Variants in GRID1 observed in about 807,000 individuals in gnomAD.
GRID1 encodes the protein glutamate receptor ionotropic, delta-1.
GRID1 carries 28 observed loss-of-function variants against 98.0 expected under a neutral mutation model. The ratio of observed to expected loss-of-function variants is 0.29; its 90% confidence interval spans 0.21 to 0.39. The LOEUF is 0.39. Among genes scored for constraint, GRID1 ranks in the 10% least tolerant of loss-of-function variants. GRID1 has a pLI of 1.00. For synonymous variants in GRID1, 553 were observed against 538.5 expected, an observed-to-expected ratio of 1.03 and a Z score of -0.37; for missense variants, 1,111 against 1,340.5, an observed-to-expected ratio of 0.83 and a Z score of 2.67.
intron 8 of GRID1, among the ~76,000 whole-genome samples, chr10:85,787,195 A>G (rs1842437617): frequency 1.3e-5 from 2 of 152,260 alleles, no homozygotes; most frequent in South Asian, 4.1e-4. Context: ...TCACAGACAT[A>G]GTGAATCCAG....
intron 4 of GRID1, among the ~76,000 whole-genome samples, chr10:85,996,389 A>T (rs539157711): frequency 6.6e-6 from 1 of 152,350 alleles, no homozygotes; most frequent in East Asian, 1.9e-4. Context: ...AGAAACTTTT[A>T]AAAAACCAAA....
intron 2 of GRID1, among the ~76,000 whole-genome samples, chr10:86,221,505 C>T (rs1554862600): frequency 6.6e-6 from 1 of 152,190 alleles, no homozygotes; most frequent in Non-Finnish European, 1.5e-5. Context: ...GGGCTGTGGG[C>T]TGTGGGAGTG....
At chr10:85,863,879 G>A (rs1843189736) in intron 6 of GRID1, among the ~76,000 whole-genome samples, 2 of 152,198 alleles carry the variant, frequency 1.3e-5, no homozygotes, top group Admixed American at 6.5e-5. Context: ...GAATTGTTGT[G>A]CATCCGCATT....
chr10:85,857,552 G>A (rs1355807550), intron 6 of GRID1, among the ~76,000 whole-genome samples: 1 of 152,142 alleles, frequency 6.6e-6, no homozygotes, highest in East Asian at 1.9e-4. Flanking sequence ...AGAAGAGGAG[G>A]AGAAGGGAAG....
intron 3 of GRID1, among the ~76,000 whole-genome samples, chr10:86,140,237 C>T (rs1374785350): frequency 6.6e-6 from 1 of 152,232 alleles, no homozygotes; most frequent in Non-Finnish European, 1.5e-5. Flanking sequence ...GAGTCACACC[C>T]TCCAAAGGAT....
At chr10:85,977,718 A>T (rs1414555618) in intron 4 of GRID1, among the ~76,000 whole-genome samples, 1 of 152,120 alleles carries the variant, frequency 6.6e-6, no homozygotes, top group Non-Finnish European at 1.5e-5. Context: ...CCTGGATTAG[A>T]TCACAAGTCC....
chr10:86,051,041 G>A (rs1345843754), intron 4 of GRID1, among the ~76,000 whole-genome samples: 4 of 151,506 alleles, frequency 2.6e-5, no homozygotes, highest in African/African-American at 9.7e-5. Context: ...TTGCGCCATT[G>A]CACTCCAGCC....
intron 5 of GRID1, among the ~76,000 whole-genome samples, chr10:85,874,694 G>A (rs1240024535): frequency 1.3e-5 from 2 of 152,172 alleles, no homozygotes; most frequent in African/African-American, 4.8e-5. Flanking sequence ...TGGAAAGGCT[G>A]GCTTTGTAGC....
intron 4 of GRID1, among the ~76,000 whole-genome samples, chr10:86,097,297 A>T (rs1015829780): frequency 6.6e-6 from 1 of 152,252 alleles, no homozygotes; most frequent in African/African-American, 2.4e-5. Flanking sequence ...TTATTAGGGG[A>T]TTAACAAATA....
At chr10:85,731,632 C>T (rs1192075509) in intron 8 of GRID1, among the ~76,000 whole-genome samples, 1 of 151,608 alleles carries the variant, frequency 6.6e-6, no homozygotes, top group Non-Finnish European at 1.5e-5. Flanking sequence ...GAAATACTGC[C>T]TCTATAAAAA....
At chr10:85,672,619 A>T (rs1392603214) in intron 12 of GRID1, among the ~76,000 whole-genome samples, 1 of 152,130 alleles carries the variant, frequency 6.6e-6, no homozygotes, top group Non-Finnish European at 1.5e-5. Flanking sequence ...GTGCTCTGTA[A>T]ATGGAACAAC....
intron 2 of GRID1, among the ~76,000 whole-genome samples, chr10:86,238,912 G>C (rs1846583025): frequency 6.6e-6 from 1 of 152,186 alleles, no homozygotes; most frequent in Non-Finnish European, 1.5e-5. Flanking sequence ...GGGCAGTGTG[G>C]AGAGAAAATG....
At chr10:86,201,759 T>A (rs1845956233) in intron 3 of GRID1, among the ~76,000 whole-genome samples, 1 of 151,620 alleles carries the variant, frequency 6.6e-6, no homozygotes. Flanking sequence ...TACAGTGTTT[T>A]AAATATATGA....
At chr10:85,845,175 G>A (rs553257064) in intron 8 of GRID1, among the ~76,000 whole-genome samples, 1 of 151,834 alleles carries the variant, frequency 6.6e-6, no homozygotes, top group South Asian at 2.1e-4. Flanking sequence ...TGACATGATT[G>A]TGTATACAGA....
At chr10:86,239,574 G>A (rs1240858718) in intron 2 of GRID1, among the ~76,000 whole-genome samples, 2 of 152,218 alleles carry the variant, frequency 1.3e-5, no homozygotes, top group African/African-American at 4.8e-5. Flanking sequence ...CGTGTTGGAG[G>A]AGGGGCCTGG....
At chr10:86,137,463 A>G (rs557610515) in intron 4 of GRID1, among the ~76,000 whole-genome samples, 1 of 152,306 alleles carries the variant, frequency 6.6e-6, no homozygotes, top group South Asian at 2.1e-4. Flanking sequence ...GGGAACGGGC[A>G]AGGAATTGGC....
chr10:86,097,959 A>G (rs1844244725), intron 4 of GRID1, among the ~76,000 whole-genome samples: 1 of 152,268 alleles, frequency 6.6e-6, no homozygotes, highest in South Asian at 2.1e-4. Flanking sequence ...CATGAAGAAA[A>G]TACAATCGAG....
chr10:86,110,497 C>T (rs1000865783), intron 4 of GRID1, among the ~76,000 whole-genome samples: 1 of 152,298 alleles, frequency 6.6e-6, no homozygotes, highest in East Asian at 1.9e-4. Flanking sequence ...GGCACCATTG[C>T]GAAGAGGCAA....
intron 4 of GRID1, among the ~76,000 whole-genome samples, chr10:85,992,614 G>GT (rs1050869302): frequency 2.0e-5 from 3 of 148,480 alleles, no homozygotes; most frequent in Non-Finnish European, 3.0e-5. Context: ...ATGAGGAGAG[G>GT]TGGGGGGGGA....
Sources: gnomAD v4.1 joint callset for allele counts (sites outside exome capture counted in the v4.1 genomes callset) on GRCh38, gnomAD v4.1.1 for gene constraint, MANE v1.5 for transcripts, NCBI Gene and HGNC (gene_info 2026-07-23, HGNC 2026-07-21) for gene names.